The following GGACT variants were observed in gnomAD, a reference collection of about 807,000 sequenced individuals.
GGACT encodes gamma-glutamylaminecyclotransferase.
For synonymous variants in GGACT, 118 were observed against 115.3 expected (o/e 1.02, Z -0.15); for missense variants, 241 against 233.2 (o/e 1.03, Z -0.22).
chr13:100,552,397 C>T (rs888611508), intron 2 of GGACT, among the ~76,000 whole-genome samples: 1 of 152,166 alleles, frequency 6.6e-6, no homozygotes, highest in Non-Finnish European at 1.5e-5. Flanking sequence ...ACACGCCACC[C>T]CCCAACATAC....
chr13:100,544,201 C>T (rs2088582798), intron 2 of GGACT, among the ~76,000 whole-genome samples: 1 of 152,198 alleles, frequency 6.6e-6, no homozygotes, highest in Non-Finnish European at 1.5e-5. Flanking sequence ...CTGGAGAAAA[C>T]GCCGAGTGTC....
chr13:100,570,436 A>C (rs1201901739), intron 2 of GGACT, among the ~76,000 whole-genome samples: 2 of 152,096 alleles, frequency 1.3e-5, no homozygotes, highest in African/African-American at 2.4e-5. Context: ...CCCTTATAAA[A>C]CCATCAGATC....
intron 2 of GGACT, among the ~76,000 whole-genome samples, chr13:100,535,016 T>G (rs550334360): frequency 1.3e-5 from 2 of 152,334 alleles, no homozygotes; most frequent in South Asian, 4.1e-4. Flanking sequence ...ACTGGTCTTG[T>G]TTGTTGCTGG....
At chr13:100,565,221 C>G (rs2088800402) in intron 2 of GGACT, among the ~76,000 whole-genome samples, 1 of 152,160 alleles carries the variant, frequency 6.6e-6, no homozygotes, top group Non-Finnish European at 1.5e-5. Flanking sequence ...ATAATTTGTG[C>G]TCAGATCAGA....
At chr13:100,540,697 T>A (rs1289811500) in intron 2 of GGACT, among the ~76,000 whole-genome samples, 1 of 152,252 alleles carries the variant, frequency 6.6e-6, no homozygotes, top group Admixed American at 6.5e-5. Context: ...GAGCTTCTTA[T>A]CTCCTTGTAC....
chr13:100,569,432 C>T (rs1255577695), intron 2 of GGACT, among the ~76,000 whole-genome samples: 1 of 152,234 alleles, frequency 6.6e-6, no homozygotes, highest in African/African-American at 2.4e-5. Context: ...GAAGCAATGG[C>T]CTGACCTTTA....
At chr13:100,572,927 G>GA (rs1875130135) in intron 2 of GGACT, among the ~76,000 whole-genome samples, 1 of 152,024 alleles carries the variant, frequency 6.6e-6, no homozygotes, top group East Asian at 1.9e-4. Context: ...GCTGCTAAAG[G>GA]AAAAAAATAG....
At position 100,532,744 on chromosome 13, in the gene GGACT, A is replaced by G. The variant is rs562722744; in HGVS notation, c.-10-143T>C. ...GCTGTGCTCAGATAAGGCGTTACTT[A>G]CCGACGCAGATGAGAATGACCTACA... On this transcript the variant is annotated intron_variant, in intron 2 of 2. Coordinates refer to ENST00000683975, the MANE Select transcript of GGACT (RefSeq NM_001195087.2). 30 of 631,960 alleles carry G rather than the reference A, an allele frequency of 4.7e-5. No individual in the cohort carries two copies. The South Asian group carries it at 5.9e-4, about 12-fold the overall frequency. The allele number at this position is 631,960 out of a possible 1,614,324, so 39.1% of individuals were successfully genotyped here. A position where few individuals can be genotyped will look rare whatever the true frequency, so the allele number is the denominator to read the frequency against.
intron 1 of GGACT, among the ~76,000 whole-genome samples, chr13:100,588,384 G>A (rs574636917): frequency 6.6e-6 from 1 of 152,314 alleles, no homozygotes; most frequent in Admixed American, 6.5e-5. Context: ...TTCAGCTGAG[G>A]TCCTCTGAAA....
At chr13:100,565,088 C>T (rs1175236369) in intron 2 of GGACT, among the ~76,000 whole-genome samples, 1 of 152,222 alleles carries the variant, frequency 6.6e-6, no homozygotes, top group African/African-American at 2.4e-5. Context: ...GCCTCCTTCC[C>T]AATCTTTGAC....
intron 2 of GGACT, among the ~76,000 whole-genome samples, chr13:100,582,632 T>A (rs918842676): frequency 6.6e-6 from 1 of 152,170 alleles, no homozygotes. Context: ...ATTGTTAGCT[T>A]TGAATATGGA....
chr13:100,560,172 C>T (rs1249586654), intron 2 of GGACT, among the ~76,000 whole-genome samples: 3 of 151,768 alleles, frequency 2.0e-5, no homozygotes, highest in African/African-American at 4.8e-5. Context: ...TGAATGCGGT[C>T]GTGATTACAT....
chr13:100,574,592 C>T (rs1343723393), intron 2 of GGACT, among the ~76,000 whole-genome samples: 1 of 151,938 alleles, frequency 6.6e-6, no homozygotes, highest in African/African-American at 2.4e-5. Context: ...GAAAGAAAAC[C>T]AAATACCACG....
intron 2 of GGACT, among the ~76,000 whole-genome samples, chr13:100,569,034 T>G (rs1874997068): frequency 6.6e-6 from 1 of 152,250 alleles, no homozygotes; most frequent in Non-Finnish European, 1.5e-5. Flanking sequence ...GCTCCGCCCC[T>G]ATGGCTTTGC....
intron 2 of GGACT, chr13:100,541,770 A>C (rs2088557060): frequency 6.6e-6 from 1 of 152,232 alleles, no homozygotes; most frequent in African/African-American, 2.4e-5. Context: ...TGTCTTCTGC[A>C]GAAGATGATA....
chr13:100,550,417 T>TACACACACAC (rs61669253), intron 2 of GGACT, among the ~76,000 whole-genome samples: 12 of 72,514 alleles, frequency 1.7e-4, no homozygotes, highest in African/African-American at 8.2e-4. Flanking sequence ...GATTATACTC[T>TACACACACAC]ACACACACAC....
intron 2 of GGACT, among the ~76,000 whole-genome samples, chr13:100,544,062 T>C (rs2088581122): frequency 6.6e-6 from 1 of 152,198 alleles, no homozygotes; most frequent in Admixed American, 6.5e-5. Flanking sequence ...ATGGTGGAGA[T>C]GGAGTAAGAG....
In GGACT at chr13:100,530,529, G is replaced by C. The variant is rs924064079; in HGVS notation, c.*1601C>G. The stretch of plus-strand genomic sequence containing the variant: ...CAGCATTTCTTTGTGATCCTTTTAA[G>C]AGATTGATATAAATGTCAGTCAGTT... On this transcript the variant is annotated 3_prime_UTR_variant, in exon 3 of 3. Coordinates refer to ENST00000683975, the MANE Select transcript of GGACT (RefSeq NM_001195087.2). The C allele has an allele frequency of 2.7e-6, 1 of 371,530 alleles. No individual in the cohort carries two copies. The highest frequency in any genetic ancestry group is 2.1e-5 in the African/African-American group (1 of 48,002). 23.0% of individuals were successfully genotyped at this position (371,530 alleles called of 1,614,324 possible).
At chr13:100,536,201 C>T (rs543991437) in intron 2 of GGACT, 1 of 152,258 alleles carries the variant, frequency 6.6e-6, no homozygotes, top group East Asian at 1.9e-4. Flanking sequence ...TAAGGGCTTC[C>T]TTTTATCCCT....
Sources: gnomAD v4.1 joint callset for allele counts (sites outside exome capture counted in the v4.1 genomes callset) on GRCh38, gnomAD v4.1.1 for gene constraint, MANE v1.5 for transcripts, NCBI Gene and HGNC (gene_info 2026-07-23, HGNC 2026-07-21) for gene names.